Variants in ACYP1 observed in about 807,000 individuals in gnomAD.
The protein encoded by ACYP1 is acylphosphatase 1, also known as acylphosphatase-1.
A neutral mutation model predicts 10.4 loss-of-function variants in ACYP1; 8 were observed. That is an observed-to-expected ratio of 0.77 (90% CI 0.45 to 1.38). ACYP1 has a LOEUF of 1.38. Among genes scored for constraint, ACYP1 ranks in the 40% most tolerant of loss-of-function variants. The pLI, the probability that ACYP1 is intolerant of heterozygous loss-of-function variation, is 0.00. For missense variants in ACYP1, 93 were observed against 117.3 expected, an observed-to-expected ratio of 0.79 and a Z score of 0.96; for synonymous variants, 38 against 40.8, an observed-to-expected ratio of 0.93 and a Z score of 0.26.
At position 75,053,312 on chromosome 14, in the gene ACYP1, T is replaced by C. The variant is rs542968740; in HGVS notation, c.*132A>G. ...ATCCTTCCATCATACAGGTAATATATAATAACATTCAAAAATCTGACATTA... is the reference window on the plus strand; with the variant it reads ...ATCCTTCCATCATACAGGTAATATACAATAACATTCAAAAATCTGACATTA... On this transcript the variant is annotated 3_prime_UTR_variant, in exon 3 of 3. Transcript: ENST00000238618. 803 of 787,792 alleles carry C rather than the reference T, an allele frequency of 1.0e-3. 2 individuals are homozygous for C. The highest frequency in any genetic ancestry group is 1.5e-3 in the Non-Finnish European group (747 of 483,552). 48.8% of individuals were successfully genotyped at this position (787,792 alleles called of 1,614,324 possible). A position where few individuals can be genotyped will look rare whatever the true frequency, so the allele number is the denominator to read the frequency against.
At chr14:75,059,120 A>C (rs1892955623) in intron 2 of ACYP1, among the ~76,000 whole-genome samples, 1 of 141,174 alleles carries the variant, frequency 7.1e-6, no homozygotes, top group African/African-American at 2.6e-5. Context: ...TGGAGGCGGA[A>C]GGTTGCAGTG....
At chr14:75,069,229 G>T (rs1319371575) in exon 1 of ACYP1, 2 of 1,504,642 alleles carry the variant, frequency 1.3e-6, no homozygotes, top group East Asian at 5.4e-5. Flanking sequence ...GCCCAGCGCA[G>T]CCGAGCGCGC....
rs112218097 is a variant in ACYP1 at position 75,061,731 on chromosome 14, G to A, written c.84+1739C>T. 100 of 1,593,530 alleles carry A rather than the reference G, an allele frequency of 6.3e-5. No homozygotes were observed. In the African/African-American group the frequency reaches 1.3e-3, roughly 20 times the overall value. On this transcript the variant is annotated intron_variant, in intron 2 of 2. Transcript: ENST00000238618. ...AACTGGAACACAGCTCTTGCTGTGAGTTTCAGCAATTCTGTTTTCAACAGT... is the reference window on the plus strand; with the variant it reads ...AACTGGAACACAGCTCTTGCTGTGAATTTCAGCAATTCTGTTTTCAACAGT...
chr14:75,058,925 C>T (rs142236731), intron 2 of ACYP1, among the ~76,000 whole-genome samples: 3 of 152,066 alleles, frequency 2.0e-5, no homozygotes, highest in East Asian at 1.9e-4. Context: ...GGCGGCTGGG[C>T]GCGGTGGCTC....
At chr14:75,066,300 C>T (rs561491701), upstream of ACYP1, among the ~76,000 whole-genome samples, 1 of 152,076 alleles carries the variant, frequency 6.6e-6, no homozygotes, top group Non-Finnish European at 1.5e-5. Flanking sequence ...AATCACTGCA[C>T]AATGCATACA....
upstream of ACYP1, among the ~76,000 whole-genome samples, chr14:75,065,560 A>G (rs773442778): frequency 6.6e-6 from 1 of 152,236 alleles, no homozygotes; most frequent in Non-Finnish European, 1.5e-5. Flanking sequence ...TGAGTGTCTA[A>G]TACGAATGGG....
chr14:75,053,661 T>G lies in ACYP1; in HGVS notation c.85-2A>C. ...CAATCCCAGCTTTTTACCCTCAGCCTAAGGGGGGTAAAAAGAGAGAGAGAT... is the reference window on the plus strand; with the variant it reads ...CAATCCCAGCTTTTTACCCTCAGCCGAAGGGGGGTAAAAAGAGAGAGAGAT... On this transcript the variant is annotated splice_acceptor_variant, in intron 2 of 2. Transcript: ENST00000238618. LOFTEE classifies it high-confidence loss of function. 6.2e-7 allele frequency: 1 copy of G among 1,613,138 alleles called. No individual in the cohort carries two copies. Among genetic ancestry groups the G allele is most frequent in the East Asian group, 2.2e-5 (1 of 44,860 alleles).
rs1399416188 is a variant in ACYP1 at position 75,053,335 on chromosome 14, T to C, written c.*109A>G. 28 of 999,894 alleles carry C rather than the reference T, an allele frequency of 2.8e-5. No homozygotes were observed. The highest frequency in any genetic ancestry group is 4.2e-5 in the Non-Finnish European group (28 of 659,638). 61.9% of individuals were successfully genotyped at this position (999,894 alleles called of 1,614,324 possible). ...TATAATAACATTCAAAAATCTGACA[T>C]TAAAATAACTTATTGACTAATGCTA... is the stretch of plus-strand genomic sequence containing the variant. On this transcript the variant is annotated 3_prime_UTR_variant, in exon 3 of 3. Transcript: ENST00000238618.
rs2139642787 is a variant in ACYP1 at position 75,053,600 on chromosome 14, C to T, written c.144G>A (p.Val48=). Residue 48 remains valine (V), a synonymous_variant, in exon 3 of 3, where the codon GTG becomes GTA. Transcript: ENST00000238618. ...GWVQNTDRGT[V]QGQLQGPISK... ...AGATGGGACCTTGCAATTGTCCTTGCACTGTGCCCCGGTCAGTGTTCTGGA... is the reference window on the plus strand; with the variant it reads ...AGATGGGACCTTGCAATTGTCCTTGTACTGTGCCCCGGTCAGTGTTCTGGA... The T allele has an allele frequency of 2.5e-6, 4 of 1,614,158 alleles. No individual in the cohort carries two copies. In the East Asian group the frequency reaches 8.9e-5, roughly 36 times the overall value.
intron 2 of ACYP1, chr14:75,061,728 T>C: frequency 6.3e-7 from 1 of 1,594,172 alleles, no homozygotes; most frequent in African/African-American, 1.3e-5. Context: ...GCTCTTGCTG[T>C]GAGTTTCAGC....
At chr14:75,063,334 A>T in intron 2 of ACYP1, 136 bp downstream of exon 2, 2 of 684,308 alleles carry the variant, frequency 2.9e-6, no homozygotes, top group South Asian at 3.3e-5. Flanking sequence ...TTTCATACTC[A>T]TTGCTCTACA....
At chr14:75,063,599 T>G in intron 1 of ACYP1, 38 bp from the exon 2 acceptor site, 1 of 1,559,510 alleles carries the variant, frequency 6.4e-7, no homozygotes, top group South Asian at 1.1e-5. Flanking sequence ...TGAAGGGCTA[T>G]TATTCCAGGA....
chr14:75,068,528 G>A (rs995153992), upstream of ACYP1, among the ~76,000 whole-genome samples: 1 of 151,778 alleles, frequency 6.6e-6, no homozygotes, highest in Non-Finnish European at 1.5e-5. Flanking sequence ...AGAAACAGAG[G>A]AGAGAGGGAG....
chr14:75,066,488 G>A (rs563900283), upstream of ACYP1, among the ~76,000 whole-genome samples: 1 of 152,290 alleles, frequency 6.6e-6, no homozygotes, highest in East Asian at 1.9e-4. Flanking sequence ...GGAGGGCTAT[G>A]CCATCCCAAG....
chr14:75,068,741 G>C (rs1331617543), upstream of ACYP1, among the ~76,000 whole-genome samples: 2 of 151,910 alleles, frequency 1.3e-5, no homozygotes, highest in East Asian at 3.9e-4. Context: ...GATCTGGAGG[G>C]TCCACCAAGG....
chr14:75,060,293 A>C (rs1430094192), intron 2 of ACYP1: 1 of 683,750 alleles, frequency 1.5e-6, no homozygotes, highest in South Asian at 1.6e-5. Flanking sequence ...ACAATGAAAT[A>C]TTACCTCATA....
chr14:75,059,140 C>T (rs1030101043), intron 2 of ACYP1, among the ~76,000 whole-genome samples: 1 of 132,840 alleles, frequency 7.5e-6, no homozygotes, highest in Non-Finnish European at 1.5e-5. Context: ...GAGCCGAGAT[C>T]GAGATCGCGC....
At chr14:75,057,972 A>AAAAAAAAG (rs1892918533) in intron 2 of ACYP1, among the ~76,000 whole-genome samples, 1 of 146,350 alleles carries the variant, frequency 6.8e-6, no homozygotes, top group Non-Finnish European at 1.5e-5. Context: ...CTCAAAAAAA[A>AAAAAAAAG]AAAAAAAAAA....
intron 2 of ACYP1, among the ~76,000 whole-genome samples, chr14:75,055,992 A>G (rs1355001930): frequency 6.6e-6 from 1 of 151,588 alleles, no homozygotes; most frequent in Non-Finnish European, 1.5e-5. Context: ...GAACAATTAT[A>G]TGCCAAAAAA....
Sources: allele counts gnomAD v4.1 joint callset (sites outside exome capture counted in the v4.1 genomes callset), GRCh38; gene constraint gnomAD v4.1.1; transcripts MANE v1.5; gene names NCBI Gene and HGNC (gene_info 2026-07-23, HGNC 2026-07-21).